The following ZFAT variants were observed in gnomAD, a reference collection of about 807,000 sequenced individuals.
ZFAT encodes zinc finger protein ZFAT.
In ZFAT, 64 loss-of-function variants were observed where a neutral mutation model predicts 117.7. The observed-to-expected ratio is 0.54, with a 90% CI of 0.44 to 0.67. The LOEUF is 0.67. Among genes scored for constraint, ZFAT ranks in the 30% least tolerant of loss-of-function variants. ZFAT has a pLI of 0.00. For missense variants in ZFAT, 1,433 were observed against 1,584.5 expected (o/e 0.90, Z 1.62); for synonymous variants, 679 against 615.0 (o/e 1.10, Z -1.54).
At chr8:134,808,497 C>T in the ZFAT span, among the ~76,000 whole-genome samples, 1 of 152,152 alleles carries the variant, frequency 6.6e-6, no homozygotes, top group African/African-American at 2.4e-5. Flanking sequence ...TAGGAACAAC[C>T]AAGTACCTGG....
At chr8:134,575,294 T>A (rs1825215907) in intron 10 of ZFAT, among the ~76,000 whole-genome samples, 1 of 152,214 alleles carries the variant, frequency 6.6e-6, no homozygotes, top group Admixed American at 6.5e-5. Flanking sequence ...TAGCCTGGCC[T>A]ATCCAGGTAG....
Position 134,565,429 on chromosome 8 carries a change from G to A in ZFAT, c.2888-8C>T, listed in dbSNP as rs1340990167. On this transcript the variant is annotated splice_polypyrimidine_tract_variant and splice_region_variant and intron_variant, in intron 10 of 15. Coordinates refer to ENST00000377838, the MANE Select transcript of ZFAT (RefSeq NM_020863.4). The stretch of plus-strand genomic sequence containing the variant: ...TGCACTTAAACTGCTTCCCTGGAAA[G>A]AAGCGGAGGACAAGATGAGCGTCGC... The A allele has an allele frequency of 6.2e-6, 10 of 1,611,494 alleles. 1 individual carries two copies. Among genetic ancestry groups the A allele is most frequent in the Non-Finnish European group, 8.5e-6 (10 of 1,179,364 alleles).
chr8:134,705,983 G>A (rs1834142079), intron 1 of ZFAT, among the ~76,000 whole-genome samples: 1 of 152,158 alleles, frequency 6.6e-6, no homozygotes, highest in South Asian at 2.1e-4. Flanking sequence ...TATCCTCTAG[G>A]GAAGGCAAAA....
intron 1 of ZFAT, among the ~76,000 whole-genome samples, chr8:134,699,940 T>C (rs908674855): frequency 6.6e-5 from 10 of 152,198 alleles, no homozygotes; most frequent in Non-Finnish European, 1.3e-4. Context: ...CTAAGTGGCA[T>C]ACAGGCAGTG....
chr8:134,759,016 G>GGGAGA, the ZFAT span, among the ~76,000 whole-genome samples: 1 of 152,202 alleles, frequency 6.6e-6, no homozygotes, highest in Non-Finnish European at 1.5e-5. Context: ...ATGTTAGCAA[G>GGGAGA]GGAGAAGGGA....
At chr8:134,513,436 G>A (rs537888570) in intron 13 of ZFAT, among the ~76,000 whole-genome samples, 153 of 152,264 alleles carry the variant, frequency 1.0e-3, no homozygotes, top group Non-Finnish European at 1.7e-3. Context: ...GCCTCCCAAA[G>A]TGTTGGGATT....
At position 134,671,658 on chromosome 8, in the gene ZFAT, GC is replaced by G. The variant is rs1832569083; in HGVS notation, c.20-13922del. Among the ~76,000 whole-genome samples, 3 of 152,162 alleles carry G rather than the reference GC, an allele frequency of 2.0e-5. No homozygotes were observed. In the South Asian group the frequency reaches 6.2e-4, roughly 32 times the overall value. On this transcript the variant is annotated intron_variant, in intron 1 of 15. Coordinates refer to ENST00000377838, the MANE Select transcript of ZFAT (RefSeq NM_020863.4). ...CCACAGCCAATATCATACTGAATGG[GC>G]AAAAACTGGAAGCATTCCCTTTAAA...
intron 1 of ZFAT, among the ~76,000 whole-genome samples, chr8:134,703,585 TG>T (rs1383908365): frequency 6.6e-6 from 1 of 152,208 alleles, no homozygotes; most frequent in Non-Finnish European, 1.5e-5. Flanking sequence ...AGAGATTGAG[TG>T]GGGCTGGACA....
At chr8:134,776,867 G>T in the ZFAT span, among the ~76,000 whole-genome samples, 1 of 152,180 alleles carries the variant, frequency 6.6e-6, no homozygotes, top group Non-Finnish European at 1.5e-5. Flanking sequence ...ATTACAGTGG[G>T]ATATGGAGAG....
chr8:134,703,972 C>T (rs1194455217), intron 1 of ZFAT, among the ~76,000 whole-genome samples: 1 of 152,194 alleles, frequency 6.6e-6, no homozygotes, highest in Non-Finnish European at 1.5e-5. Flanking sequence ...CAATCCTCCT[C>T]TATGAAAACT....
At chr8:134,614,922 A>G (rs2130991347) in intron 3 of ZFAT, among the ~76,000 whole-genome samples, 1 of 152,340 alleles carries the variant, frequency 6.6e-6, no homozygotes, top group Non-Finnish European at 1.5e-5. Flanking sequence ...AATAGGTGGA[A>G]CTATTACATA....
the ZFAT span, among the ~76,000 whole-genome samples, chr8:134,802,968 C>A: frequency 2.0e-5 from 3 of 152,132 alleles, no homozygotes; most frequent in Admixed American, 2.0e-4. Flanking sequence ...CTAAAAAAGG[C>A]TGTACCTATG....
intron 10 of ZFAT, among the ~76,000 whole-genome samples, chr8:134,573,452 G>A (rs977744142): frequency 3.9e-5 from 6 of 152,136 alleles, no homozygotes; most frequent in African/African-American, 1.4e-4. Context: ...TATGCAGGCT[G>A]ATGTTGCTGG....
rs1363835639 is a variant in ZFAT, at chr8:134,491,275, CA to C, written c.3493-12555del. On this transcript the variant is annotated intron_variant, in intron 15 of 15. Coordinates refer to ENST00000377838, the MANE Select transcript of ZFAT (RefSeq NM_020863.4). ...TTGCTCTACGAAAGCCCTCCGGCAT[CA>C]GCGATGCTGCTCACACTAGTAGTCT... is the stretch of plus-strand genomic sequence containing the variant. 2.6e-5 allele frequency among the ~76,000 whole-genome samples: 4 copies of C among 152,356 alleles called. No homozygotes were observed. The East Asian group carries it at 7.7e-4, about 29-fold the overall frequency.
chr8:134,532,331 T>C (rs1467277893), intron 12 of ZFAT, among the ~76,000 whole-genome samples: 2 of 152,202 alleles, frequency 1.3e-5, no homozygotes, highest in Admixed American at 6.5e-5. Context: ...GCATTAGTTA[T>C]AACTGCAAAA....
chr8:134,728,211 C>T, the ZFAT span, among the ~76,000 whole-genome samples: 2 of 151,928 alleles, frequency 1.3e-5, no homozygotes, highest in Non-Finnish European at 1.5e-5. Context: ...TGACTGGTCT[C>T]GGTGGCTATT....
chr8:134,675,604 A>T (rs1338117193), intron 1 of ZFAT, among the ~76,000 whole-genome samples: 1 of 152,176 alleles, frequency 6.6e-6, no homozygotes, highest in Non-Finnish European at 1.5e-5. Context: ...AATGCAGAGA[A>T]CACCCTAAGA....
At chr8:134,586,186 A>G (rs764347495) in intron 9 of ZFAT, among the ~76,000 whole-genome samples, 2 of 152,268 alleles carry the variant, frequency 1.3e-5, no homozygotes, top group Non-Finnish European at 2.9e-5. Flanking sequence ...GCCAGGATAC[A>G]GCAGCCTTTC....
chr8:134,546,269 C>A lies in ZFAT; in HGVS notation c.2977-13297G>T, dbSNP rs1822683539. 1.3e-5 allele frequency among the ~76,000 whole-genome samples: 2 copies of A among 152,120 alleles called. 1 individual carries two copies. Among genetic ancestry groups the A allele is most frequent in the South Asian group, 4.1e-4 (2 of 4,822 alleles). Reference sequence around the variant, plus strand: ...CATTGCCAAGCTTAAATCAAGTTACCCAGGTGGAGAGATGGTCTTGATCAT... The same window carrying A: ...CATTGCCAAGCTTAAATCAAGTTACACAGGTGGAGAGATGGTCTTGATCAT... On this transcript the variant is annotated intron_variant, in intron 11 of 15. Transcript: ENST00000377838.
Sources: allele counts gnomAD v4.1 joint callset (sites outside exome capture counted in the v4.1 genomes callset), GRCh38; gene constraint gnomAD v4.1.1; transcripts MANE v1.5; gene names NCBI Gene and HGNC (gene_info 2026-07-23, HGNC 2026-07-21).